Variants in MDFIC2 observed in about 807,000 individuals in gnomAD.
MDFIC2 encodes the protein myoD family inhibitor domain-containing protein 2.
intron 2 of MDFIC2, among the ~76,000 whole-genome samples, chr3:70,242,416 A>G (rs2106642519): frequency 6.6e-6 from 1 of 152,326 alleles, no homozygotes; most frequent in Admixed American, 6.5e-5. Context: ...TTAGATAATT[A>G]TAATTGAGAA....
intron 2 of MDFIC2, among the ~76,000 whole-genome samples, chr3:70,257,846 C>T (rs534737225): frequency 6.6e-6 from 1 of 152,220 alleles, no homozygotes; most frequent in Non-Finnish European, 1.5e-5. Context: ...CAGAACACAA[C>T]AGAAAGGCTT....
intron 2 of MDFIC2, among the ~76,000 whole-genome samples, chr3:70,245,411 A>G (rs1343335270): frequency 2.0e-5 from 3 of 151,742 alleles, no homozygotes; most frequent in Admixed American, 1.3e-4. Flanking sequence ...TTTAAAAAGT[A>G]CATGATTCTT....
intron 2 of MDFIC2, among the ~76,000 whole-genome samples, chr3:70,265,267 A>T (rs1034258718): frequency 3.3e-5 from 5 of 152,210 alleles, no homozygotes; most frequent in Non-Finnish European, 5.9e-5. Context: ...GGGGATTGAA[A>T]GGAAGTATTC....
At position 70,228,014 on chromosome 3, in the gene MDFIC2, A is replaced by T. The variant is rs1198551312; in HGVS notation, c.89-21224T>A. On this transcript the variant is annotated intron_variant, in intron 2 of 3. Coordinates refer to ENST00000567252, the MANE Select transcript of MDFIC2 (RefSeq NM_001364677.1). ...AATATTGATAATATAGTAGTATAAT[A>T]GTAATATAATAAGCAATATAAATAA... Among the ~76,000 whole-genome samples, 12 of 151,430 alleles carry T rather than the reference A, an allele frequency of 7.9e-5. No homozygotes were observed. The East Asian group carries it at 2.3e-3, about 29-fold the overall frequency.
At chr3:70,238,777 G>T (rs1701637454) in intron 2 of MDFIC2, among the ~76,000 whole-genome samples, 1 of 152,080 alleles carries the variant, frequency 6.6e-6, no homozygotes, top group South Asian at 2.1e-4. Flanking sequence ...TCCTAGATAT[G>T]TGAGTCTACA....
At chr3:70,201,553 T>C (rs1402485878) in intron 3 of MDFIC2, among the ~76,000 whole-genome samples, 1 of 152,216 alleles carries the variant, frequency 6.6e-6, no homozygotes, top group Non-Finnish European at 1.5e-5. Flanking sequence ...TGAGTACTAT[T>C]ATGATCCCTG....
rs530545754 is a variant in MDFIC2, at chr3:70,252,064, T to C, written c.89-45274A>G. 1.4e-4 allele frequency among the ~76,000 whole-genome samples: 21 copies of C among 152,344 alleles called. No homozygotes were observed. In the South Asian group the frequency reaches 4.1e-3, roughly 30 times the overall value. ...GAGGCAAAAGGAGTTTCTCCTGTTATTATTAAGTCTTTCAATTCTAAGCTA... is the reference window on the plus strand; with the variant it reads ...GAGGCAAAAGGAGTTTCTCCTGTTACTATTAAGTCTTTCAATTCTAAGCTA... On this transcript the variant is annotated intron_variant, in intron 2 of 3. Transcript: ENST00000567252.
intron 2 of MDFIC2, among the ~76,000 whole-genome samples, chr3:70,241,869 G>A (rs1701669357): frequency 1.3e-5 from 2 of 152,204 alleles, no homozygotes; most frequent in South Asian, 4.1e-4. Flanking sequence ...TGTGTAAGTA[G>A]TAGAGATGGG....
At chr3:70,252,277 T>C (rs917235005) in intron 2 of MDFIC2, among the ~76,000 whole-genome samples, 1 of 152,198 alleles carries the variant, frequency 6.6e-6, no homozygotes, top group Non-Finnish European at 1.5e-5. Context: ...TTAAAGTATA[T>C]GTATCGTATG....
At chr3:70,295,897 C>T (rs141021815) in intron 2 of MDFIC2, among the ~76,000 whole-genome samples, 1 of 152,206 alleles carries the variant, frequency 6.6e-6, no homozygotes, top group African/African-American at 2.4e-5. Flanking sequence ...TGCCTTGTTT[C>T]CCATACTTGC....
intron 2 of MDFIC2, among the ~76,000 whole-genome samples, chr3:70,309,946 C>A (rs1702440242): frequency 6.6e-6 from 1 of 151,980 alleles, no homozygotes; most frequent in Non-Finnish European, 1.5e-5. Flanking sequence ...ATTGATTGGC[C>A]TATCAATTTC....
intron 2 of MDFIC2, among the ~76,000 whole-genome samples, chr3:70,299,650 T>C (rs1444898389): frequency 6.6e-6 from 1 of 152,130 alleles, no homozygotes; most frequent in African/African-American, 2.4e-5. Flanking sequence ...AATTCGGAAT[T>C]CATGCCTTCT....
At chr3:70,298,386 A>G (rs377083635) in intron 2 of MDFIC2, among the ~76,000 whole-genome samples, 27 of 152,248 alleles carry the variant, frequency 1.8e-4, no homozygotes, top group African/African-American at 6.0e-4. Context: ...GTTAGCCAAC[A>G]TCAACGGGAA....
At chr3:70,198,787 A>T (rs1701206435) in intron 3 of MDFIC2, among the ~76,000 whole-genome samples, 1 of 152,092 alleles carries the variant, frequency 6.6e-6, no homozygotes, top group Admixed American at 6.6e-5. Context: ...TCTTTGCCAG[A>T]TTTGCTGTAT....
At chr3:70,200,893 G>A (rs1056568591) in intron 3 of MDFIC2, among the ~76,000 whole-genome samples, 6 of 143,104 alleles carry the variant, frequency 4.2e-5, no homozygotes, top group African/African-American at 1.6e-4. Context: ...AAAGCCTGTG[G>A]TCTCTATCCC....
At chr3:70,218,327 A>G (rs1353130583) in intron 2 of MDFIC2, among the ~76,000 whole-genome samples, 2 of 152,160 alleles carry the variant, frequency 1.3e-5, no homozygotes, top group East Asian at 3.9e-4. Context: ...GCATGTGCAC[A>G]TGGATGTATA....
intron 2 of MDFIC2, among the ~76,000 whole-genome samples, chr3:70,264,583 G>A (rs1701898507): frequency 2.0e-5 from 3 of 152,184 alleles, no homozygotes. Flanking sequence ...ACAGTTGCTG[G>A]CATCAGGCCA....
At chr3:70,242,956 A>G (rs1367837071) in intron 2 of MDFIC2, among the ~76,000 whole-genome samples, 1 of 152,178 alleles carries the variant, frequency 6.6e-6, no homozygotes, top group Non-Finnish European at 1.5e-5. Context: ...ACTTTAAAAA[A>G]ATTGCCCCAG....
In MDFIC2 at chr3:70,230,537, T is replaced by C. The variant is rs190341196; in HGVS notation, c.89-23747A>G. On this transcript the variant is annotated intron_variant, in intron 2 of 3. Transcript: ENST00000567252. Reference sequence around the variant, plus strand: ...ATACAGTTTTGCAATCCTAGCCTAATAGATGTTTGAATAATGGAACTCTCT... The same window carrying C: ...ATACAGTTTTGCAATCCTAGCCTAACAGATGTTTGAATAATGGAACTCTCT... Among the ~76,000 whole-genome samples the C allele has an allele frequency of 1.3e-3, 191 of 152,296 alleles. 2 individuals carry two copies. Among genetic ancestry groups the C allele is most frequent in the East Asian group, 5.4e-3 (28 of 5,186 alleles).
Sources: allele counts gnomAD v4.1 joint callset (sites outside exome capture counted in the v4.1 genomes callset), GRCh38; gene constraint gnomAD v4.1.1; transcripts MANE v1.5; gene names NCBI Gene and HGNC (gene_info 2026-07-23, HGNC 2026-07-21).